VSTM5: variants seen among roughly 807,000 people sequenced by gnomAD.
The protein encoded by VSTM5 is V-set and transmembrane domain containing 5, also known as V-set and transmembrane domain-containing protein 5.
Under a neutral mutation model 20.3 loss-of-function variants are expected in VSTM5, and 21 were observed. That is an observed-to-expected ratio of 1.03 (90% CI 0.73 to 1.49). The LOEUF is 1.49. Ranked by LOEUF, VSTM5 falls within the 40% of genes most tolerant of loss-of-function variation. The probability of loss-of-function intolerance (pLI) is 0.00; values close to 1 mark genes in which losing one functional copy is unlikely to be tolerated. For missense variants in VSTM5, 219 were observed against 250.0 expected (o/e 0.88, Z 0.84); for synonymous variants, 100 against 102.5 (o/e 0.98, Z 0.14).
rs151191272 is a variant in VSTM5, at chr11:93,836,197, C to A, written c.91+14215G>T. On this transcript the variant is annotated intron_variant, in intron 1 of 3. Coordinates refer to ENST00000409977, the MANE Select transcript of VSTM5 (RefSeq NM_001144871.2). Reference sequence around the variant, plus strand: ...TCTTCTACCATCACCCTAGTCCAAGCCACCAATTCATGAATGGTGACAATG... The same window carrying A: ...TCTTCTACCATCACCCTAGTCCAAGACACCAATTCATGAATGGTGACAATG... Among the ~76,000 whole-genome samples, 293 of 152,324 alleles carry A rather than the reference C, an allele frequency of 1.9e-3. 1 individual carries two copies. The highest frequency in any genetic ancestry group is 6.7e-3 in the African/African-American group (278 of 41,568).
At chr11:93,829,530 AG>A (rs1565300659) in intron 1 of VSTM5, among the ~76,000 whole-genome samples, 1 of 152,234 alleles carries the variant, frequency 6.6e-6, no homozygotes, top group Non-Finnish European at 1.5e-5. Flanking sequence ...CTCAGTCTCA[AG>A]AAAAAAGAAA....
chr11:93,849,280 C>T (rs7124077), intron 1 of VSTM5, among the ~76,000 whole-genome samples: 1 of 151,926 alleles, frequency 6.6e-6, no homozygotes, highest in Non-Finnish European at 1.5e-5. Flanking sequence ...CCGCCGCCCA[C>T]CCCAGTAGCT....
intron 1 of VSTM5, among the ~76,000 whole-genome samples, chr11:93,834,883 GTC>G (rs1312931784): frequency 3.3e-5 from 5 of 152,154 alleles, no homozygotes; most frequent in Non-Finnish European, 5.9e-5. Flanking sequence ...AGGTGATTGG[GTC>G]ATGAAGACTT....
rs1192721028 is a variant in VSTM5 at position 93,820,877 on chromosome 11, A to C, written c.425T>G (p.Leu142Arg). 1.3e-6 allele frequency: 2 copies of C among 1,550,614 alleles called. No homozygotes were observed. The highest frequency in any genetic ancestry group is 1.7e-6 in the Non-Finnish European group (2 of 1,146,990). ...AGCGACAAAGTGCAGGTCTTCATAG[A>C]GGATCTCTATGGAGTGAGGGTGAGG... ...GTIVLHVSEI[L>R]YEDLHFVAVI... Residue 142 changes from leucine (L) to arginine (R), a missense_variant, in exon 3 of 4, where the codon CTC becomes CGC. Coordinates refer to ENST00000409977, the MANE Select transcript of VSTM5 (RefSeq NM_001144871.2).
chr11:93,828,050 TTTTTAAAAATGTAC>T (rs1944253204), intron 1 of VSTM5, among the ~76,000 whole-genome samples: 1 of 152,242 alleles, frequency 6.6e-6, no homozygotes, highest in Non-Finnish European at 1.5e-5. Context: ...GAGTTAATAA[TTTTTAAAAATGTAC>T]TTTAAAAAGT....
chr11:93,827,983 G>A (rs11822965), intron 1 of VSTM5, among the ~76,000 whole-genome samples: 6,042 of 152,120 alleles, frequency 0.04, 294 homozygotes, highest in African/African-American at 0.11. Context: ...AATGGCAGGA[G>A]AACTTTATTT....
In VSTM5 at chr11:93,820,460, G is replaced by A. The variant is rs1306239941; in HGVS notation, c.*109C>T. On this transcript the variant is annotated 3_prime_UTR_variant, in exon 4 of 4. Transcript: ENST00000409977. ...TGTTAATCTCCCACTGTCCTGTTAG[G>A]AGCGGGCTGCAACAGGACCACACAC... is the stretch of plus-strand genomic sequence containing the variant. The A allele has an allele frequency of 5.3e-5, 61 of 1,157,152 alleles. No homozygotes were observed. In the South Asian group the frequency reaches 7.3e-4, roughly 14 times the overall value. The allele number at this position is 1,157,152 out of a possible 1,614,324, so 71.7% of individuals were successfully genotyped here.
chr11:93,821,560 C>T (rs1944186628), intron 1 of VSTM5: 2 of 524,670 alleles, frequency 3.8e-6, no homozygotes, highest in Non-Finnish European at 6.7e-6. Context: ...TAGAATGCTC[C>T]CTTTTATTTC....
intron 1 of VSTM5, among the ~76,000 whole-genome samples, chr11:93,838,854 A>G (rs926301915): frequency 6.6e-6 from 1 of 152,236 alleles, no homozygotes; most frequent in Admixed American, 6.5e-5. Flanking sequence ...CCTGACAGCC[A>G]AGAACAATTC....
chr11:93,850,435 A>C lies in VSTM5; in HGVS notation c.68T>G (p.Leu23Arg). 1 of 1,546,382 alleles carries C rather than the reference A, an allele frequency of 6.5e-7. No homozygotes were observed. Among genetic ancestry groups the C allele is most frequent in the Middle Eastern group, 1.7e-4 (1 of 5,970 alleles). Residue 23 changes from leucine (L) to arginine (R), a missense_variant, in exon 1 of 4, where the codon CTG becomes CGG. By Grantham distance (102) the Leu-to-Arg change is moderately radical. Coordinates refer to ENST00000409977, the MANE Select transcript of VSTM5 (RefSeq NM_001144871.2). ...GISLGLFALC[L>R]AAARCLQSQG... ...ACTCTGCAGACAGCGGGCTGCGGCCAGGCAGAGGGCGAAGAGTCCTAGGGA... is the reference window on the plus strand; with the variant it reads ...ACTCTGCAGACAGCGGGCTGCGGCCCGGCAGAGGGCGAAGAGTCCTAGGGA...
chr11:93,837,040 C>CAT (rs1565302629), intron 1 of VSTM5, among the ~76,000 whole-genome samples: 1 of 150,684 alleles, frequency 6.6e-6, no homozygotes. Flanking sequence ...CACACACACA[C>CAT]ATATATTTTG....
At chr11:93,835,323 T>TGA (rs955121862) in intron 1 of VSTM5, among the ~76,000 whole-genome samples, 1 of 152,006 alleles carries the variant, frequency 6.6e-6, no homozygotes, top group Non-Finnish European at 1.5e-5. Flanking sequence ...CTCAGGAGAC[T>TGA]GAGGGGGGAA....
chr11:93,834,306 G>T (rs1049374245), intron 1 of VSTM5, among the ~76,000 whole-genome samples: 1 of 152,078 alleles, frequency 6.6e-6, no homozygotes, highest in Non-Finnish European at 1.5e-5. Context: ...TACTATACAG[G>T]CTCCCTCCTC....
intron 1 of VSTM5, among the ~76,000 whole-genome samples, chr11:93,834,313 C>T (rs937354688): frequency 3.3e-5 from 5 of 152,188 alleles, no homozygotes; most frequent in Non-Finnish European, 7.3e-5. Context: ...CAGGCTCCCT[C>T]CTCTTCCTGG....
intron 1 of VSTM5, among the ~76,000 whole-genome samples, chr11:93,826,771 A>G (rs745676375): frequency 3.9e-5 from 6 of 152,054 alleles, no homozygotes; most frequent in Non-Finnish European, 8.8e-5. Context: ...GCTGCACCCT[A>G]TAAATTATGG....
At position 93,819,350 on chromosome 11, in the gene VSTM5, AACTT is replaced by A. The variant is rs773424448; in HGVS notation, c.*1215_*1218del. 6.6e-6 allele frequency: 1 copy of A among 152,244 alleles called. No homozygotes were observed. The highest frequency in any genetic ancestry group is 1.5e-5 in the Non-Finnish European group (1 of 68,058). The allele number at this position is 152,244 out of a possible 1,614,324, so 9.4% of individuals were successfully genotyped here. A position where few individuals can be genotyped will look rare whatever the true frequency, so the allele number is the denominator to read the frequency against. ...TGTCAAATGGAAGTTGGGATGGAGA[AACTT>A]ACAGGTGAACATGGTGACCAACAAC... On this transcript the variant is annotated 3_prime_UTR_variant, in exon 4 of 4. Transcript: ENST00000409977.
chr11:93,843,646 T>C lies in VSTM5; in HGVS notation c.91+6766A>G, dbSNP rs1307487759. On this transcript the variant is annotated intron_variant, in intron 1 of 3. Coordinates refer to ENST00000409977, the MANE Select transcript of VSTM5 (RefSeq NM_001144871.2). ...CTTGGTAAGCAGTCACAGTTATTAT[T>C]GTCTTGTAATTGTTATTTATTAAGT... Among the ~76,000 whole-genome samples the C allele has an allele frequency of 2.0e-5, 3 of 152,194 alleles. No individual in the cohort carries two copies. The East Asian group carries it at 5.8e-4, about 29-fold the overall frequency.
rs563442345 is a variant in VSTM5 at position 93,831,153 on chromosome 11, G to A, written c.92-9830C>T. ...TGGCTCACAGCAGCCTCCACCTCCT[G>A]AGTTCAAGCAATCCTCCCACCTCAG... On this transcript the variant is annotated intron_variant, in intron 1 of 3. Coordinates refer to ENST00000409977, the MANE Select transcript of VSTM5 (RefSeq NM_001144871.2). Among the ~76,000 whole-genome samples, 61 of 152,072 alleles carry A rather than the reference G, an allele frequency of 4.0e-4. No individual in the cohort carries two copies. In the South Asian group the frequency reaches 0.012, roughly 31 times the overall value.
At position 93,820,596 on chromosome 11, in the gene VSTM5, C is replaced by T. The variant is rs971618494; in HGVS notation, c.576G>A (p.Glu192=). 28 of 1,551,802 alleles carry T rather than the reference C, an allele frequency of 1.8e-5. No homozygotes were observed. The Admixed American group carries it at 5.5e-4, about 30-fold the overall frequency. ...AACACTCAACATCTTCCAGCTCAAT[C>T]TCCTCAGTTGTGCTTTCTGTAAAGC... is the stretch of plus-strand genomic sequence containing the variant. ...RHKLKESTTE[E]IELEDVEC The change falls in exon 4 of 4, where the codon GAG becomes GAA. Residue 192 remains glutamate (E), a synonymous_variant. Transcript: ENST00000409977.
Sources: allele counts gnomAD v4.1 joint callset (sites outside exome capture counted in the v4.1 genomes callset), GRCh38; gene constraint gnomAD v4.1.1; transcripts MANE v1.5; gene names NCBI Gene and HGNC (gene_info 2026-07-23, HGNC 2026-07-21).